TASP1: variants seen among roughly 807,000 people sequenced by gnomAD.
TASP1 encodes the protein threonine aspartase 1.
In TASP1, 16 loss-of-function variants were observed where a neutral mutation model predicts 56.6. The ratio of observed to expected loss-of-function variants is 0.28; its 90% CI spans 0.19 to 0.43. The LOEUF (loss-of-function observed/expected upper bound fraction) is 0.43. Ranked by LOEUF, TASP1 falls within the 20% of genes least tolerant of loss-of-function variation. TASP1 has a pLI of 1.00. For synonymous variants in TASP1, 179 were observed against 184.2 expected, an observed-to-expected ratio of 0.97 and a Z score of 0.23; for missense variants, 393 against 511.6, an observed-to-expected ratio of 0.77 and a Z score of 2.24.
the TASP1 span, among the ~76,000 whole-genome samples, chr20:13,339,694 G>A: frequency 6.6e-6 from 1 of 151,824 alleles, no homozygotes; most frequent in African/African-American, 2.4e-5. Flanking sequence ...AAGTAGACAT[G>A]GCCTTTCTTC....
At chr20:13,275,941 T>A in the TASP1 span, among the ~76,000 whole-genome samples, 2 of 152,342 alleles carry the variant, frequency 1.3e-5, no homozygotes, top group Non-Finnish European at 2.9e-5. Flanking sequence ...GAAGGGACAG[T>A]AATGCCTAGA....
At chr20:13,342,382 C>A in the TASP1 span, among the ~76,000 whole-genome samples, 1 of 152,188 alleles carries the variant, frequency 6.6e-6, no homozygotes, top group Admixed American at 6.5e-5. Flanking sequence ...TTAAGATGAG[C>A]TACAAGAGAG....
intron 12 of TASP1, among the ~76,000 whole-genome samples, chr20:13,431,569 TAAC>T (rs1479566935): frequency 3.9e-5 from 6 of 152,120 alleles, no homozygotes; most frequent in Non-Finnish European, 8.8e-5. Flanking sequence ...TTAATAATCA[TAAC>T]AACAATGGTA....
the TASP1 span, among the ~76,000 whole-genome samples, chr20:13,328,632 AG>A: frequency 6.6e-6 from 1 of 152,246 alleles, no homozygotes; most frequent in Non-Finnish European, 1.5e-5. Context: ...TGCTATAAAA[AG>A]GAATGAGATC....
chr20:13,430,676 T>G (rs2042775732), intron 12 of TASP1, among the ~76,000 whole-genome samples: 1 of 152,184 alleles, frequency 6.6e-6, no homozygotes, highest in Admixed American at 6.5e-5. Flanking sequence ...TCTCTAGTGT[T>G]TGGCTCACAG....
chr20:13,132,820 T>C, the TASP1 span: 1 of 152,134 alleles, frequency 6.6e-6, no homozygotes, highest in African/African-American at 2.4e-5. Context: ...CCCCTTCTTT[T>C]TCCAACAGCC....
At chr20:13,571,070 A>G (rs2046696132) in intron 6 of TASP1, among the ~76,000 whole-genome samples, 1 of 152,142 alleles carries the variant, frequency 6.6e-6, no homozygotes, top group Non-Finnish European at 1.5e-5. Context: ...AAATATTCTT[A>G]GCTTTATTTT....
the TASP1 span, among the ~76,000 whole-genome samples, chr20:13,175,002 A>G: frequency 6.6e-6 from 1 of 152,158 alleles, no homozygotes; most frequent in Non-Finnish European, 1.5e-5. Flanking sequence ...GCCGCCGTGT[A>G]ATATGTGACT....
the TASP1 span, among the ~76,000 whole-genome samples, chr20:13,227,513 CTTTT>C: frequency 2.6e-5 from 3 of 115,392 alleles, no homozygotes; most frequent in Non-Finnish European, 5.5e-5. Flanking sequence ...CAACTTTTTT[CTTTT>C]TTTTTTTTTG....
intron 11 of TASP1, among the ~76,000 whole-genome samples, chr20:13,471,787 A>G (rs921184627): frequency 1.1e-4 from 17 of 152,122 alleles, no homozygotes; most frequent in African/African-American, 4.1e-4. Context: ...TGCATTTCCA[A>G]CTGAGGAACC....
chr20:13,333,810 C>T, the TASP1 span, among the ~76,000 whole-genome samples: 3 of 152,178 alleles, frequency 2.0e-5, no homozygotes, highest in South Asian at 6.2e-4. Flanking sequence ...ACTTACTTTC[C>T]TCCTCAACAG....
the TASP1 span, among the ~76,000 whole-genome samples, chr20:13,318,922 C>T: frequency 6.6e-6 from 1 of 152,162 alleles, no homozygotes; most frequent in Non-Finnish European, 1.5e-5. Context: ...GACAGTGAAA[C>T]TATGCTATGT....
chr20:13,329,001 T>C, the TASP1 span, among the ~76,000 whole-genome samples: 2 of 152,180 alleles, frequency 1.3e-5, no homozygotes, highest in Admixed American at 1.3e-4. Context: ...TAAAACCTAA[T>C]TTTAAAAAGT....
At chr20:13,502,197 T>G (rs906415661) in intron 10 of TASP1, among the ~76,000 whole-genome samples, 7 of 152,094 alleles carry the variant, frequency 4.6e-5, no homozygotes, top group Non-Finnish European at 1.0e-4. Flanking sequence ...TCTCTTTATT[T>G]TGAAAAATAA....
At chr20:13,253,862 CATAT>C in the TASP1 span, among the ~76,000 whole-genome samples, 1 of 140,232 alleles carries the variant, frequency 7.1e-6, no homozygotes, top group African/African-American at 2.7e-5. Flanking sequence ...CATCCATATC[CATAT>C]ATATATATAT....
chr20:13,340,940 G>A, the TASP1 span, among the ~76,000 whole-genome samples: 2 of 152,162 alleles, frequency 1.3e-5, no homozygotes, highest in African/African-American at 2.4e-5. Context: ...AGTTGCCCAG[G>A]AAGTAGCTGG....
At chr20:13,355,781 G>C in the TASP1 span, among the ~76,000 whole-genome samples, 3 of 152,170 alleles carry the variant, frequency 2.0e-5, no homozygotes, top group African/African-American at 4.8e-5. Flanking sequence ...CTGATGGTGG[G>C]GGAATGACAA....
chr20:13,380,334 C>T, the TASP1 span, among the ~76,000 whole-genome samples: 1 of 152,206 alleles, frequency 6.6e-6, no homozygotes, highest in African/African-American at 2.4e-5. Context: ...TCAGGCCTCT[C>T]TGCTGCAGGT....
chr20:13,114,832 T>A, the TASP1 span, among the ~76,000 whole-genome samples: 1 of 152,214 alleles, frequency 6.6e-6, no homozygotes, highest in Non-Finnish European at 1.5e-5. Flanking sequence ...ATTCTCCATC[T>A]GCCAGTGGCT....
Sources: allele counts gnomAD v4.1 joint callset (sites outside exome capture counted in the v4.1 genomes callset), GRCh38; gene constraint gnomAD v4.1.1; transcripts MANE v1.5; gene names NCBI Gene and HGNC (gene_info 2026-07-23, HGNC 2026-07-21).